The following PRKN variants were observed in gnomAD, a reference collection of about 807,000 sequenced individuals.
PRKN encodes the protein parkin RBR E3 ubiquitin protein ligase, also known as E3 ubiquitin-protein ligase parkin.
A neutral mutation model predicts 59.5 loss-of-function variants in PRKN; 56 were observed. The observed-to-expected ratio is 0.94, with a 90% CI of 0.76 to 1.18. The LOEUF is 1.18. Among genes scored for constraint, PRKN ranks in the 50% most tolerant of loss-of-function variants. The pLI is 0.00. For synonymous variants in PRKN, 250 were observed against 222.1 expected (o/e 1.13, Z -1.12); for missense variants, 657 against 596.4 (o/e 1.10, Z -1.06).
At chr6:161,426,169 G>C (rs909577095) in intron 9 of PRKN, among the ~76,000 whole-genome samples, 1 of 152,176 alleles carries the variant, frequency 6.6e-6, no homozygotes, top group African/African-American at 2.4e-5. Context: ...TAAAAAGCAA[G>C]AGAGAAAATG....
intron 6 of PRKN, 119 bp from the exon 7 acceptor site, chr6:161,786,027 C>G: frequency 1.0e-6 from 1 of 995,786 alleles, no homozygotes; most frequent in East Asian, 2.6e-5. Context: ...GTGCAAAGAC[C>G]GGAGCTGCTA....
chr6:162,194,620 G>A (rs1784420281), intron 4 of PRKN, among the ~76,000 whole-genome samples: 1 of 151,930 alleles, frequency 6.6e-6, no homozygotes, highest in Admixed American at 6.6e-5. Flanking sequence ...AATTCTAAAT[G>A]TAAACTATCA....
At chr6:162,291,885 G>A (rs942129492) in intron 2 of PRKN, among the ~76,000 whole-genome samples, 2 of 151,786 alleles carry the variant, frequency 1.3e-5, no homozygotes, top group African/African-American at 2.4e-5. Context: ...CAAACCTGAT[G>A]AGTCATTTTC....
intron 2 of PRKN, among the ~76,000 whole-genome samples, chr6:162,331,904 A>G (rs971757881): frequency 1.3e-5 from 2 of 152,186 alleles, no homozygotes; most frequent in African/African-American, 4.8e-5. Flanking sequence ...TTGAGAATGC[A>G]TGTTAACCAA....
At chr6:162,408,840 G>A (rs538294537) in intron 2 of PRKN, among the ~76,000 whole-genome samples, 60 of 152,134 alleles carry the variant, frequency 3.9e-4, no homozygotes, top group African/African-American at 1.4e-3. Context: ...TTTTATTCTA[G>A]TTGATTCTCA....
rs187717957 is a variant in PRKN, at chr6:162,488,646, C to T, written c.8-45173G>A. On this transcript the variant is annotated intron_variant, in intron 1 of 11. Transcript: ENST00000366898. Reference sequence around the variant, plus strand: ...GGGTGACCGTCCTCTCTGAGTATCACTTCCTCCTCTGTAAATGAGAACAAT... The same window carrying T: ...GGGTGACCGTCCTCTCTGAGTATCATTTCCTCCTCTGTAAATGAGAACAAT... Among the ~76,000 whole-genome samples, 406 of 152,326 alleles carry T rather than the reference C, an allele frequency of 2.7e-3. 2 individuals are homozygous for T. Among genetic ancestry groups the T allele is most frequent in the African/African-American group, 9.4e-3 (392 of 41,574 alleles).
intron 7 of PRKN, among the ~76,000 whole-genome samples, chr6:161,656,558 T>A (rs918502370): frequency 6.6e-6 from 1 of 152,172 alleles, no homozygotes; most frequent in Non-Finnish European, 1.5e-5. Flanking sequence ...CCGTGGAACA[T>A]GCCTACTGGT....
chr6:162,230,517 G>A (rs1006413422), intron 3 of PRKN, among the ~76,000 whole-genome samples: 1 of 152,210 alleles, frequency 6.6e-6, no homozygotes, highest in Admixed American at 6.5e-5. Flanking sequence ...TTTAGTGATT[G>A]CTCTGATCAC....
intron 7 of PRKN, among the ~76,000 whole-genome samples, chr6:161,707,531 C>T (rs1467215299): frequency 2.6e-5 from 4 of 152,156 alleles, no homozygotes; most frequent in African/African-American, 9.7e-5. Flanking sequence ...GTTATTTTTA[C>T]ATTTTCGACA....
intron 1 of PRKN, among the ~76,000 whole-genome samples, chr6:162,581,137 G>A (rs1318379428): frequency 6.6e-6 from 1 of 152,080 alleles, no homozygotes; most frequent in Non-Finnish European, 1.5e-5. Context: ...CGTATTAAAA[G>A]GAGAACTGAT....
At chr6:162,134,606 A>G (rs1370894698) in intron 4 of PRKN, among the ~76,000 whole-genome samples, 1 of 152,178 alleles carries the variant, frequency 6.6e-6, no homozygotes, top group Non-Finnish European at 1.5e-5. Context: ...AGAAAGTTGA[A>G]AAATTTTGGA....
chr6:162,375,967 A>G (rs1160443985), intron 2 of PRKN, among the ~76,000 whole-genome samples: 2 of 151,912 alleles, frequency 1.3e-5, no homozygotes, highest in African/African-American at 4.8e-5. Flanking sequence ...ACTCTTCAAA[A>G]CTCCAGTTAA....
intron 1 of PRKN, among the ~76,000 whole-genome samples, chr6:162,585,867 A>G (rs527980455): frequency 6.8e-6 from 1 of 148,120 alleles, no homozygotes; most frequent in Non-Finnish European, 1.5e-5. Flanking sequence ...ATGCCCGGCT[A>G]ATTTTTTTTG....
intron 1 of PRKN, among the ~76,000 whole-genome samples, chr6:162,586,478 A>G (rs571578374): frequency 6.6e-6 from 1 of 152,314 alleles, no homozygotes; most frequent in African/African-American, 2.4e-5. Context: ...CTACTGACTG[A>G]GACACATTAT....
chr6:161,976,791 A>G (rs1172234410), intron 5 of PRKN, among the ~76,000 whole-genome samples: 1 of 152,242 alleles, frequency 6.6e-6, no homozygotes, highest in Non-Finnish European at 1.5e-5. Flanking sequence ...GGACTATTGA[A>G]AAAGTATTTC....
chr6:161,998,713 A>G (rs1781935066), intron 5 of PRKN, among the ~76,000 whole-genome samples: 1 of 152,190 alleles, frequency 6.6e-6, no homozygotes, highest in Non-Finnish European at 1.5e-5. Context: ...GGGCTCCAGG[A>G]AAGTCTTGAG....
At position 161,454,111 on chromosome 6, in the gene PRKN, C is replaced by T. The variant is rs2115134758; in HGVS notation, c.1084-67234G>A. 6.6e-6 allele frequency among the ~76,000 whole-genome samples: 1 copy of T among 152,172 alleles called. No individual in the cohort carries two copies. The highest frequency in any genetic ancestry group is 3.4e-3 in the Middle Eastern group (1 of 292). ...ATGGTTTCTTTTTATTTCTTTCTTT[C>T]TGAGATGGAAGGAAACCTAAAAGTA... On this transcript the variant is annotated intron_variant, in intron 9 of 11. Transcript: ENST00000366898. This position sits in a 1 kb window ranked among gnomAD's most constrained non-coding sequence, Gnocchi z 4.6.
intron 4 of PRKN, among the ~76,000 whole-genome samples, chr6:162,167,507 G>A (rs1303872993): frequency 6.6e-6 from 1 of 152,144 alleles, no homozygotes; most frequent in African/African-American, 2.4e-5. Flanking sequence ...GAAGGAAAAT[G>A]AGGGATCTGA....
chr6:161,810,510 C>T (rs1478264704), intron 6 of PRKN, among the ~76,000 whole-genome samples: 2 of 152,166 alleles, frequency 1.3e-5, no homozygotes, highest in Non-Finnish European at 2.9e-5. Context: ...TCCTAGACAA[C>T]GTCTAACGTT....
Sources: gnomAD v4.1 joint callset for allele counts (sites outside exome capture counted in the v4.1 genomes callset) on GRCh38, gnomAD v4.1.1 for gene constraint, Gnocchi (gnomAD v3.1) non-coding constraint, MANE v1.5 for transcripts, NCBI Gene and HGNC (gene_info 2026-07-23, HGNC 2026-07-21) for gene names.